TPGS2: variants seen among roughly 807,000 people sequenced by gnomAD.
The protein encoded by TPGS2 is tubulin polyglutamylase complex subunit 2.
In TPGS2, 26 loss-of-function variants were observed where a neutral mutation model predicts 31.1. That is an observed-to-expected ratio of 0.84 (90% CI 0.61 to 1.16). The LOEUF is 1.16. TPGS2 is among the 50% of genes most tolerant of loss of function. The pLI is 0.00. For synonymous variants in TPGS2, 130 were observed against 136.6 expected (o/e 0.95, Z 0.34); for missense variants, 351 against 363.8 (o/e 0.96, Z 0.29).
At chr18:36,825,426 C>T (rs1395855384) in intron 1 of TPGS2, among the ~76,000 whole-genome samples, 5 of 128,822 alleles carry the variant, frequency 3.9e-5, no homozygotes, top group East Asian at 2.2e-4. Flanking sequence ...AGCGAGACTC[C>T]GTCTCCAAAA....
At chr18:36,780,569 C>A (rs1299546149), downstream of TPGS2, among the ~76,000 whole-genome samples, 1 of 152,112 alleles carries the variant, frequency 6.6e-6, no homozygotes, top group African/African-American at 2.4e-5. Context: ...TAGGCAGTTT[C>A]ATCATTGTGC....
chr18:36,784,451 A>G (rs2044084906), intron 6 of TPGS2, among the ~76,000 whole-genome samples: 1 of 152,224 alleles, frequency 6.6e-6, no homozygotes, highest in Admixed American at 6.5e-5. Flanking sequence ...GATAAGTACA[A>G]ATAATACCAA....
intron 1 of TPGS2, 135 bp from the exon 2 acceptor site, chr18:36,819,108 A>G (rs1243948042): frequency 1.5e-6 from 1 of 689,610 alleles, no homozygotes; most frequent in Non-Finnish European, 2.4e-6. Context: ...TACCCCTGTA[A>G]TGAAAGCAGA....
chr18:36,808,914 A>G (rs1481410884), intron 2 of TPGS2, among the ~76,000 whole-genome samples: 1 of 152,118 alleles, frequency 6.6e-6, no homozygotes, highest in Non-Finnish European at 1.5e-5. Context: ...GCAAAGGATG[A>G]GTTCTCCAAT....
intron 6 of TPGS2, among the ~76,000 whole-genome samples, chr18:36,783,620 G>T (rs1248913099): frequency 2.6e-5 from 4 of 152,332 alleles, no homozygotes; most frequent in South Asian, 4.1e-4. Context: ...CAGTGCAGGG[G>T]GAAGAACAGG....
chr18:36,781,036 C>T (rs1343143091), downstream of TPGS2, among the ~76,000 whole-genome samples: 1 of 152,206 alleles, frequency 6.6e-6, no homozygotes, highest in East Asian at 1.9e-4. Flanking sequence ...TCTTATGGGA[C>T]CACTGGCATA....
intron 4 of TPGS2, among the ~76,000 whole-genome samples, chr18:36,804,298 T>TTGTA (rs2044997725): frequency 6.6e-6 from 1 of 152,200 alleles, no homozygotes; most frequent in African/African-American, 2.4e-5. Context: ...TTATCCCCAT[T>TTGTA]TGTATGTGGA....
At chr18:36,790,773 CTTG>C (rs1306325284), downstream of TPGS2, among the ~76,000 whole-genome samples, 1 of 152,072 alleles carries the variant, frequency 6.6e-6, no homozygotes, top group African/African-American at 2.4e-5. Context: ...CTCAATTTTG[CTTG>C]TTGTCTGTTC....
exon 7 of TPGS2, chr18:36,783,095 C>T (rs1405378161): frequency 1.5e-5 from 6 of 398,364 alleles, no homozygotes; most frequent in Non-Finnish European, 2.2e-5. Context: ...TTTAAATCCA[C>T]CGGAGGACTA....
intron 5 of TPGS2, among the ~76,000 whole-genome samples, chr18:36,798,990 G>T (rs2044672294): frequency 6.6e-6 from 1 of 152,146 alleles, no homozygotes; most frequent in Non-Finnish European, 1.5e-5. Context: ...AACACTGAAT[G>T]GCTTAGGTTT....
intron 1 of TPGS2, among the ~76,000 whole-genome samples, chr18:36,827,482 T>C (rs1041334241): frequency 2.6e-5 from 4 of 152,186 alleles, no homozygotes; most frequent in Admixed American, 2.6e-4. Flanking sequence ...GCAAAAGCCC[T>C]GAAGCAGGAA....
intron 1 of TPGS2, chr18:36,823,849 G>C: frequency 1.0e-6 from 1 of 985,252 alleles, no homozygotes; most frequent in East Asian, 1.1e-4. Flanking sequence ...ATCAAGGTGT[G>C]GTATCTCATC....
At chr18:36,790,945 T>G (rs1003841314), downstream of TPGS2, among the ~76,000 whole-genome samples, 6 of 152,214 alleles carry the variant, frequency 3.9e-5, no homozygotes, top group African/African-American at 1.4e-4. Context: ...TCTGCATTTG[T>G]GTCCCTGCCC....
chr18:36,821,096 C>T (rs1241043027), intron 1 of TPGS2: 1 of 152,194 alleles, frequency 6.6e-6, no homozygotes, highest in African/African-American at 2.4e-5. Context: ...TCTCCAACTT[C>T]TTGAGTTTGG....
At position 36,796,019 on chromosome 18, in the gene TPGS2, C is replaced by T. The variant is rs562779095; in HGVS notation, c.*786G>A. The T allele has an allele frequency of 3.1e-5, 31 of 985,398 alleles. No individual in the cohort carries two copies. Among genetic ancestry groups the T allele is most frequent in the East Asian group, 2.3e-4 (2 of 8,818 alleles). The allele number at this position is 985,398 out of a possible 1,614,324, so 61.0% of individuals were successfully genotyped here. A position where few individuals can be genotyped will look rare whatever the true frequency, so the allele number is the denominator to read the frequency against. ...GTTAATAAGGAAGATAATTGTGGAACGTGTACAAACATCATAACACAAAAC... is the reference window on the plus strand; with the variant it reads ...GTTAATAAGGAAGATAATTGTGGAATGTGTACAAACATCATAACACAAAAC... On this transcript the variant is annotated 3_prime_UTR_variant, in exon 7 of 7. Coordinates refer to ENST00000334295, the MANE Select transcript of TPGS2 (RefSeq NM_015476.4).
intron 1 of TPGS2, among the ~76,000 whole-genome samples, chr18:36,822,027 G>C (rs1007555635): frequency 6.6e-6 from 1 of 152,174 alleles, no homozygotes; most frequent in Non-Finnish European, 1.5e-5. Flanking sequence ...AGGTCTTCTC[G>C]CATAGTTTCA....
At chr18:36,789,823 T>C, downstream of TPGS2, 1 of 152,390 alleles carries the variant, frequency 6.6e-6, no homozygotes, top group South Asian at 2.1e-4. Context: ...GGGTTTCCCC[T>C]TTCACCTGGC....
chr18:36,808,830 C>G (rs1049373924), intron 2 of TPGS2, among the ~76,000 whole-genome samples: 4 of 152,096 alleles, frequency 2.6e-5, no homozygotes, highest in Admixed American at 2.0e-4. Context: ...GGAACAAGCC[C>G]TACATTCTAA....
intron 6 of TPGS2, chr18:36,788,708 TTTTTA>T (rs1180241806): frequency 1.1e-4 from 17 of 152,296 alleles, no homozygotes; most frequent in African/African-American, 4.1e-4. Context: ...TTTTGTTTTG[TTTTTA>T]ATTTTAAATT....
Sources: allele counts gnomAD v4.1 joint callset (sites outside exome capture counted in the v4.1 genomes callset), GRCh38; gene constraint gnomAD v4.1.1; transcripts MANE v1.5; gene names NCBI Gene and HGNC (gene_info 2026-07-23, HGNC 2026-07-21).